The following RAD51B variants were observed in gnomAD, a reference collection of about 807,000 sequenced individuals.
RAD51B encodes RAD51 paralog B, also known as DNA repair protein RAD51 homolog 2.
A neutral mutation model predicts 42.2 loss-of-function variants in RAD51B; 38 were observed. That is an observed-to-expected ratio of 0.90 (90% CI 0.70 to 1.18). The LOEUF is 1.18. Among genes scored for constraint, RAD51B ranks in the 50% most tolerant of loss-of-function variants. The pLI, the probability that RAD51B is intolerant of heterozygous loss-of-function variation, is 0.00. For missense variants in RAD51B, 373 were observed against 400.7 expected (o/e 0.93, Z 0.59); for synonymous variants, 154 against 145.2 (o/e 1.06, Z -0.43).
chr14:68,437,367 C>T (rs766303139), intron 9 of RAD51B, among the ~76,000 whole-genome samples: 19 of 152,146 alleles, frequency 1.2e-4, no homozygotes, highest in Admixed American at 1.3e-4. Flanking sequence ...CTTACTTGAT[C>T]GTGGTGAATT....
intron 8 of RAD51B, among the ~76,000 whole-genome samples, chr14:68,360,612 G>A (rs1566832322): frequency 6.6e-6 from 1 of 152,230 alleles, no homozygotes; most frequent in Non-Finnish European, 1.5e-5. Context: ...CCTTTTTAGA[G>A]ATGAGGAAAT....
intron 8 of RAD51B, among the ~76,000 whole-genome samples, chr14:68,302,582 T>G (rs2081767650): frequency 6.6e-6 from 1 of 151,754 alleles, no homozygotes; most frequent in Non-Finnish European, 1.5e-5. Context: ...CACAGAAATA[T>G]AGAGGTGTGA....
At chr14:68,655,151 GTA>G (rs1892785826) in intron 11 of RAD51B, among the ~76,000 whole-genome samples, 3 of 147,698 alleles carry the variant, frequency 2.0e-5, no homozygotes, top group African/African-American at 7.4e-5. Flanking sequence ...GTGTGTGTGT[GTA>G]TGTGTGTGCG....
chr14:68,290,059 A>G (rs879857861), intron 7 of RAD51B, among the ~76,000 whole-genome samples: 1 of 152,166 alleles, frequency 6.6e-6, no homozygotes, highest in African/African-American at 2.4e-5. Flanking sequence ...TTAAGCTGCC[A>G]TTGATATAGG....
At chr14:68,391,505 C>CTGGAAATTCT (rs2083757797) in intron 8 of RAD51B, among the ~76,000 whole-genome samples, 1 of 152,212 alleles carries the variant, frequency 6.6e-6, no homozygotes, top group South Asian at 2.1e-4. Context: ...TGAGCTAATC[C>CTGGAAATTCT]TGGAAATTCT....
In RAD51B at chr14:67,885,890, C is replaced by A; in HGVS notation, c.474C>A (p.Ser158=). The A allele has an allele frequency of 6.2e-7, 1 of 1,607,616 alleles. No individual in the cohort carries two copies. The highest frequency in any genetic ancestry group is 8.5e-7 in the Non-Finnish European group (1 of 1,175,568). Residue 158 remains serine (S), a synonymous_variant, in exon 6 of 11, where the codon TCC becomes TCA. Coordinates refer to ENST00000471583, the MANE Select transcript of RAD51B (RefSeq NM_133510.4). Reference sequence around the variant, plus strand: ...ACAGACTGGTTGAAATAGCAGAATCCCGTTTTCCCAGATATTTTAACACTG... The same window carrying A: ...ACAGACTGGTTGAAATAGCAGAATCACGTTTTCCCAGATATTTTAACACTG... ...SAERLVEIAE[S]RFPRYFNTEE... is the part of the protein sequence containing the mutation.
chr14:67,837,845 A>G (rs989893458), intron 4 of RAD51B, among the ~76,000 whole-genome samples: 1 of 152,162 alleles, frequency 6.6e-6, no homozygotes, highest in Non-Finnish European at 1.5e-5. Flanking sequence ...TATATAATAA[A>G]TTGTTGTAAA....
intron 8 of RAD51B, among the ~76,000 whole-genome samples, chr14:68,348,909 G>A (rs2139863347): frequency 1.3e-5 from 2 of 152,224 alleles, no homozygotes; most frequent in South Asian, 4.1e-4. Flanking sequence ...TTTAGATCTG[G>A]GATAAACAAA....
intron 11 of RAD51B, among the ~76,000 whole-genome samples, chr14:68,664,649 A>C (rs1892996890): frequency 1.3e-5 from 2 of 152,176 alleles, no homozygotes; most frequent in African/African-American, 4.8e-5. Flanking sequence ...ATTTGCTGCC[A>C]GTGAATCTCC....
At chr14:68,508,309 A>C (rs1323191690) in intron 10 of RAD51B, among the ~76,000 whole-genome samples, 1 of 152,120 alleles carries the variant, frequency 6.6e-6, no homozygotes, top group Admixed American at 6.5e-5. Flanking sequence ...ACTGGGACCC[A>C]TGGCTCCTCA....
chr14:67,828,334 G>A (rs1363927158), intron 3 of RAD51B, among the ~76,000 whole-genome samples: 1 of 151,514 alleles, frequency 6.6e-6, no homozygotes, highest in Non-Finnish European at 1.5e-5. Flanking sequence ...TTTTTAATGG[G>A]GTTGTTTGGT....
intron 4 of RAD51B, among the ~76,000 whole-genome samples, chr14:67,856,078 G>T (rs2041989923): frequency 6.6e-6 from 1 of 152,190 alleles, no homozygotes; most frequent in Admixed American, 6.5e-5. Flanking sequence ...GCTGTTAAAT[G>T]AATGATTATA....
intron 10 of RAD51B, among the ~76,000 whole-genome samples, chr14:68,578,634 A>G (rs1890073342): frequency 6.6e-6 from 1 of 152,202 alleles, no homozygotes; most frequent in African/African-American, 2.4e-5. Flanking sequence ...ATATTGACTC[A>G]CAGGCAAAGG....
intron 7 of RAD51B, among the ~76,000 whole-genome samples, chr14:68,024,033 A>G (rs191267264): frequency 6.6e-6 from 1 of 152,282 alleles, no homozygotes; most frequent in East Asian, 1.9e-4. Context: ...ATATGGGGAA[A>G]ATTAGGAGTT....
intron 8 of RAD51B, among the ~76,000 whole-genome samples, chr14:68,296,933 A>G (rs1271008144): frequency 6.6e-6 from 1 of 152,230 alleles, no homozygotes; most frequent in African/African-American, 2.4e-5. Context: ...CAAGAGAAAT[A>G]GCAGCACTTC....
chr14:68,370,519 C>T (rs2083232183), intron 8 of RAD51B, among the ~76,000 whole-genome samples: 1 of 152,142 alleles, frequency 6.6e-6, no homozygotes, highest in Non-Finnish European at 1.5e-5. Flanking sequence ...CATGACTTGA[C>T]TGACAGTTTA....
At chr14:68,032,209 G>A (rs2076057847) in intron 7 of RAD51B, among the ~76,000 whole-genome samples, 1 of 152,134 alleles carries the variant, frequency 6.6e-6, no homozygotes, top group South Asian at 2.1e-4. Context: ...TACACAGTAA[G>A]CATGCAAAAT....
chr14:68,243,306 T>C (rs2080430698), intron 7 of RAD51B, among the ~76,000 whole-genome samples: 1 of 152,012 alleles, frequency 6.6e-6, no homozygotes, highest in South Asian at 2.1e-4. Context: ...AATAAAGCAT[T>C]ATTCATATTT....
At chr14:68,107,941 G>T (rs2077400830) in intron 7 of RAD51B, among the ~76,000 whole-genome samples, 1 of 151,166 alleles carries the variant, frequency 6.6e-6, no homozygotes, top group Non-Finnish European at 1.5e-5. Context: ...ATATGATAAG[G>T]GTCTAGTATC....
Sources: allele counts gnomAD v4.1 joint callset (sites outside exome capture counted in the v4.1 genomes callset), GRCh38; gene constraint gnomAD v4.1.1; transcripts MANE v1.5; gene names NCBI Gene and HGNC (gene_info 2026-07-23, HGNC 2026-07-21).